The following NTRK2 variants were observed in gnomAD, a reference collection of about 807,000 sequenced individuals.
The protein encoded by NTRK2 is neurotrophic receptor tyrosine kinase 2, also known as BDNF/NT-3 growth factors receptor.
In NTRK2, 13 loss-of-function variants were observed where a neutral mutation model predicts 94.5. The ratio of observed to expected loss-of-function variants is 0.14; its 90% CI spans 0.09 to 0.22. The LOEUF (loss-of-function observed/expected upper bound fraction) is 0.22, where lower values mean the gene tolerates loss of function less well. NTRK2 is among the 10% of genes least tolerant of loss of function. The pLI is 1.00. For missense variants in NTRK2, 639 were observed against 1,071.2 expected (o/e 0.60, Z 5.63); for synonymous variants, 372 against 407.4 (o/e 0.91, Z 1.05).
intron 2 of NTRK2, among the ~76,000 whole-genome samples, chr9:84,679,908 A>C (rs1312328866): frequency 6.6e-6 from 1 of 152,132 alleles, no homozygotes. Context: ...AATAGAAACA[A>C]ATTTTTATTT....
intron 12 of NTRK2, among the ~76,000 whole-genome samples, chr9:84,777,904 A>C (rs1289215628): frequency 1.3e-5 from 2 of 152,200 alleles, no homozygotes; most frequent in African/African-American, 4.8e-5. Flanking sequence ...GATTTACCTT[A>C]AGGTAGGATG....
chr9:84,705,216 T>C (rs558945221), intron 4 of NTRK2, among the ~76,000 whole-genome samples: 17 of 152,166 alleles, frequency 1.1e-4, no homozygotes, highest in African/African-American at 3.9e-4. Flanking sequence ...ACCCTGTCCA[T>C]GTGAGCATCA....
intron 14 of NTRK2, among the ~76,000 whole-genome samples, chr9:84,931,159 C>G (rs2078012612): frequency 6.6e-6 from 1 of 152,194 alleles, no homozygotes; most frequent in Non-Finnish European, 1.5e-5. Context: ...GTAATCCCAG[C>G]ACTTTGGGAG....
At chr9:84,715,898 T>C (rs944257392) in intron 6 of NTRK2, among the ~76,000 whole-genome samples, 2 of 152,192 alleles carry the variant, frequency 1.3e-5, no homozygotes, top group Non-Finnish European at 2.9e-5. Flanking sequence ...AAGTGGATGT[T>C]ATATTTTAAT....
chr9:84,942,082 A>G (rs925645666), intron 15 of NTRK2, among the ~76,000 whole-genome samples: 25 of 152,112 alleles, frequency 1.6e-4, no homozygotes, highest in Non-Finnish European at 2.8e-4. Flanking sequence ...AACTGAGTTG[A>G]TATACATAGA....
At chr9:84,687,319 T>C (rs1350109471) in intron 2 of NTRK2, among the ~76,000 whole-genome samples, 1 of 152,246 alleles carries the variant, frequency 6.6e-6, no homozygotes, top group Admixed American at 6.5e-5. Flanking sequence ...TAGGTGACCC[T>C]CTAGGATTTA....
At position 84,763,446 on chromosome 9, in the gene NTRK2, A is replaced by G. The variant is rs532522978; in HGVS notation, c.1396+11361A>G. 2.0e-5 allele frequency among the ~76,000 whole-genome samples: 3 copies of G among 151,878 alleles called. No individual in the cohort carries two copies. The South Asian group carries it at 6.3e-4, about 32-fold the overall frequency. On this transcript the variant is annotated intron_variant, in intron 12 of 18. Coordinates refer to ENST00000277120, the MANE Select transcript of NTRK2 (RefSeq NM_006180.6). The stretch of plus-strand genomic sequence containing the variant: ...TTCTTCCACATACTTTTCATCATAT[A>G]TGTGGATCTTGGTTTTTTTTTTCCC...
At chr9:84,969,260 T>A (rs1006619494) in intron 17 of NTRK2, among the ~76,000 whole-genome samples, 1 of 152,264 alleles carries the variant, frequency 6.6e-6, no homozygotes, top group African/African-American at 2.4e-5. Flanking sequence ...TTTGTGTCTT[T>A]GGAGTTGGTC....
At chr9:84,711,568 G>A (rs2061420259) in intron 6 of NTRK2, among the ~76,000 whole-genome samples, 1 of 152,206 alleles carries the variant, frequency 6.6e-6, no homozygotes, top group African/African-American at 2.4e-5. Context: ...CAGTTAACAA[G>A]TTCACAAACA....
intron 14 of NTRK2, among the ~76,000 whole-genome samples, chr9:84,896,799 T>C (rs2076771118): frequency 1.3e-5 from 2 of 152,144 alleles, no homozygotes; most frequent in South Asian, 4.1e-4. Context: ...TTCTTCTGCC[T>C]CTCCCTAGGA....
chr9:84,692,504 T>C (rs1488660286), intron 2 of NTRK2, among the ~76,000 whole-genome samples: 2 of 149,008 alleles, frequency 1.3e-5, no homozygotes, highest in African/African-American at 5.0e-5. Flanking sequence ...AGAGTCTCAC[T>C]TTGCCTCCCA....
intron 14 of NTRK2, among the ~76,000 whole-genome samples, chr9:84,902,135 G>A (rs974157777): frequency 6.6e-6 from 1 of 151,468 alleles, no homozygotes; most frequent in Non-Finnish European, 1.5e-5. Context: ...GTCAGAAGCT[G>A]CAGGGACCTG....
At chr9:85,017,240 A>G (rs189772305) in intron 17 of NTRK2, among the ~76,000 whole-genome samples, 1 of 152,328 alleles carries the variant, frequency 6.6e-6, no homozygotes, top group Admixed American at 6.5e-5. Context: ...AAGCATTAAT[A>G]CTTTAAGACT....
At chr9:84,797,829 T>C (rs1297435759) in intron 12 of NTRK2, among the ~76,000 whole-genome samples, 1 of 92,320 alleles carries the variant, frequency 1.1e-5, no homozygotes, top group African/African-American at 4.2e-5. Flanking sequence ...ATATATACTA[T>C]AATAATATAT....
intron 13 of NTRK2, among the ~76,000 whole-genome samples, chr9:84,862,126 C>T (rs1411467819): frequency 1.3e-5 from 2 of 152,098 alleles, no homozygotes; most frequent in Non-Finnish European, 2.9e-5. Flanking sequence ...TCCATGGATT[C>T]CAAGGTTAAA....
At chr9:84,961,486 GT>G (rs1824922027) in intron 17 of NTRK2, among the ~76,000 whole-genome samples, 1 of 152,170 alleles carries the variant, frequency 6.6e-6, no homozygotes, top group Non-Finnish European at 1.5e-5. Flanking sequence ...GACTATTTCT[GT>G]ATTAAACGGG....
intron 17 of NTRK2, among the ~76,000 whole-genome samples, chr9:84,969,365 C>T (rs771758792): frequency 6.6e-6 from 1 of 152,202 alleles, no homozygotes; most frequent in Non-Finnish European, 1.5e-5. Flanking sequence ...AGTTTTGTGG[C>T]GTAAGCCACA....
At chr9:84,996,472 A>G (rs1028433718) in intron 17 of NTRK2, among the ~76,000 whole-genome samples, 31 of 152,364 alleles carry the variant, frequency 2.0e-4, no homozygotes, top group African/African-American at 6.0e-4. Context: ...TGTGGACTTA[A>G]AGTGGAACTT....
intron 12 of NTRK2, chr9:84,812,868 T>C (rs1191683989): frequency 1.1e-5 from 11 of 1,033,954 alleles, no homozygotes; most frequent in Non-Finnish European, 9.3e-6. Flanking sequence ...CCATTTAATA[T>C]ATCAAAGATC....
Sources: gnomAD v4.1 joint callset for allele counts (sites outside exome capture counted in the v4.1 genomes callset) on GRCh38, gnomAD v4.1.1 for gene constraint, MANE v1.5 for transcripts, NCBI Gene and HGNC (gene_info 2026-07-23, HGNC 2026-07-21) for gene names.